PHF20: variants seen among roughly 807,000 people sequenced by gnomAD.
The protein encoded by PHF20 is PHD finger protein 20, also known as glioma-expressed antigen 2.
In PHF20, 23 loss-of-function variants were observed where a neutral mutation model predicts 113.5. The ratio of observed to expected loss-of-function variants is 0.20; its 90% confidence interval spans 0.15 to 0.29. PHF20 has a LOEUF of 0.29. Ranked by LOEUF, PHF20 falls within the 10% of genes least tolerant of loss-of-function variation. The pLI, the probability that PHF20 is intolerant of heterozygous loss-of-function variation, is 1.00. For synonymous variants in PHF20, 434 were observed against 457.3 expected (o/e 0.95, Z 0.65); for missense variants, 943 against 1,219.6 (o/e 0.77, Z 3.38).
intron 2 of PHF20, among the ~76,000 whole-genome samples, chr20:35,831,401 C>T (rs902328053): frequency 6.6e-6 from 1 of 152,146 alleles, no homozygotes; most frequent in African/African-American, 2.4e-5. Flanking sequence ...CTCCTGGGCT[C>T]AGGGGATCCT....
chr20:35,826,989 T>C (rs544914940), intron 2 of PHF20, among the ~76,000 whole-genome samples: 2 of 152,306 alleles, frequency 1.3e-5, no homozygotes, highest in African/African-American at 4.8e-5. Flanking sequence ...AGCCTTTTGT[T>C]TTTTACTAAA....
intron 17 of PHF20, among the ~76,000 whole-genome samples, chr20:35,943,662 C>T (rs951741674): frequency 1.3e-5 from 2 of 151,494 alleles, no homozygotes; most frequent in African/African-American, 4.9e-5. Context: ...GGTCTGTTGC[C>T]CAGGCTGGAG....
intron 9 of PHF20, chr20:35,887,643 G>C (rs1353168071): frequency 1.3e-5 from 2 of 152,066 alleles, no homozygotes; most frequent in Non-Finnish European, 2.9e-5. Flanking sequence ...GCCATATTCT[G>C]TTAGAGACAG....
chr20:35,933,619 G>A lies in PHF20; in HGVS notation c.2300+2175G>A, dbSNP rs560020176. Reference sequence around the variant, plus strand: ...TCACCGTGTTAGCCAGGATGGTCTCGATCTACTGACCTTGCGATCCACCTG... The same window carrying A: ...TCACCGTGTTAGCCAGGATGGTCTCAATCTACTGACCTTGCGATCCACCTG... On this transcript the variant is annotated intron_variant, in intron 15 of 17. Coordinates refer to ENST00000374012, the MANE Select transcript of PHF20 (RefSeq NM_016436.5). Among the ~76,000 whole-genome samples, 94 of 152,074 alleles carry A rather than the reference G, an allele frequency of 6.2e-4. No individual in the cohort carries two copies. In the Middle Eastern group the frequency reaches 0.01, roughly 17 times the overall value.
chr20:35,917,450 A>C, intron 12 of PHF20, 34 bp from the exon 13 acceptor site: 1 of 1,573,524 alleles, frequency 6.4e-7, no homozygotes, highest in East Asian at 2.2e-5. Flanking sequence ...TTTATAACCT[A>C]AAATAGTAAC....
At chr20:35,894,419 G>A (rs1479813851) in intron 9 of PHF20, among the ~76,000 whole-genome samples, 1 of 152,138 alleles carries the variant, frequency 6.6e-6, no homozygotes. Flanking sequence ...TGGATAATTA[G>A]ACTAGCTTGC....
intron 2 of PHF20, among the ~76,000 whole-genome samples, chr20:35,838,991 C>G (rs954348627): frequency 5.7e-5 from 8 of 140,676 alleles, no homozygotes; most frequent in Non-Finnish European, 9.2e-5. Context: ...GAGACCCTGT[C>G]TCAAAAAAAA....
At chr20:35,809,338 G>A (rs1412974582) in intron 2 of PHF20, among the ~76,000 whole-genome samples, 1 of 152,072 alleles carries the variant, frequency 6.6e-6, no homozygotes, top group African/African-American at 2.4e-5. Flanking sequence ...CAGCATTTTG[G>A]GAGGCCAAGC....
chr20:35,903,080 T>TCC (rs1555799699), intron 10 of PHF20, among the ~76,000 whole-genome samples: 2 of 142,206 alleles, frequency 1.4e-5, no homozygotes, highest in South Asian at 2.2e-4. Flanking sequence ...ATCCTTTCTT[T>TCC]TTTTTTTTTT....
At chr20:35,844,237 G>A (rs2042580531) in intron 3 of PHF20, among the ~76,000 whole-genome samples, 1 of 151,418 alleles carries the variant, frequency 6.6e-6, no homozygotes, top group African/African-American at 2.4e-5. Context: ...TGAGTAGCTG[G>A]GACTACAGGT....
chr20:35,865,019 C>T (rs1036365778), intron 6 of PHF20, among the ~76,000 whole-genome samples: 3 of 151,820 alleles, frequency 2.0e-5, no homozygotes, highest in African/African-American at 7.3e-5. Flanking sequence ...AACCCCGTCT[C>T]TACTGAAAAA....
rs1457457196 is a variant in PHF20, at chr20:35,940,984, C to T, written c.2833C>T (p.His945Tyr). Residue 945 changes from histidine to tyrosine, a missense_variant, in exon 17 of 18, where the codon CAT (histidine) becomes TAT (tyrosine). Transcript: ENST00000374012. The part of the protein sequence containing the change: ...QHQWQFNLLT[H>Y]VESLQDEVTH... ...CCAGTGGCAGTTTAACCTGCTGACC[C>T]ATGTGGAATCTCTTCAGGATGAAGT... The T allele has an allele frequency of 6.2e-7, 1 of 1,614,180 alleles. No individual in the cohort carries two copies. The highest frequency in any genetic ancestry group is 1.1e-5 in the South Asian group (1 of 91,078).
intron 1 of PHF20, among the ~76,000 whole-genome samples, chr20:35,797,871 C>T (rs549662781): frequency 2.8e-4 from 42 of 151,924 alleles, no homozygotes; most frequent in African/African-American, 9.4e-4. Context: ...AGGATTGTCT[C>T]GATCTCTTGA....
At chr20:35,913,911 T>C in intron 11 of PHF20, 122 bp from the exon 12 acceptor site, 1 of 910,934 alleles carries the variant, frequency 1.1e-6, no homozygotes, top group East Asian at 2.6e-5. Flanking sequence ...CTCTTTTTGG[T>C]TGAATTGTCC....
At chr20:35,918,880 T>C (rs2055456072) in intron 13 of PHF20, among the ~76,000 whole-genome samples, 2 of 152,218 alleles carry the variant, frequency 1.3e-5, no homozygotes, top group Admixed American at 1.3e-4. Flanking sequence ...AGGGGGTGGC[T>C]GCCCATTGTC....
chr20:35,938,552 T>G, intron 15 of PHF20, 145 bp from the exon 16 acceptor site: 2 of 751,956 alleles, frequency 2.7e-6, no homozygotes, highest in Non-Finnish European at 4.4e-6. Flanking sequence ...CGGATTCACA[T>G]TCGCTCTTGT....
chr20:35,813,573 C>G (rs1176515695), intron 2 of PHF20, among the ~76,000 whole-genome samples: 1 of 151,954 alleles, frequency 6.6e-6, no homozygotes, highest in Non-Finnish European at 1.5e-5. Context: ...AGAAATTGAC[C>G]TCTGAGCTGG....
At chr20:35,781,242 C>T (rs1346253982) in intron 1 of PHF20, among the ~76,000 whole-genome samples, 3 of 151,646 alleles carry the variant, frequency 2.0e-5, no homozygotes, top group Non-Finnish European at 2.9e-5. Flanking sequence ...CTCTGGGGTT[C>T]AAGTGATTCT....
chr20:35,866,159 G>A (rs927508060), intron 6 of PHF20, among the ~76,000 whole-genome samples: 6 of 152,116 alleles, frequency 3.9e-5, no homozygotes, highest in African/African-American at 1.4e-4. Context: ...ACAGTGAGCC[G>A]ATATCGCACC....
Sources: allele counts gnomAD v4.1 joint callset (sites outside exome capture counted in the v4.1 genomes callset), GRCh38; gene constraint gnomAD v4.1.1; transcripts MANE v1.5; gene names NCBI Gene and HGNC (gene_info 2026-07-23, HGNC 2026-07-21).